ATAD2B: variants seen among roughly 807,000 people sequenced by gnomAD.
ATAD2B encodes the protein ATPase family AAA domain-containing protein 2B.
ATAD2B carries 40 observed loss-of-function variants against 167.6 expected under a neutral mutation model. The observed-to-expected ratio is 0.24, with a 90% CI of 0.19 to 0.31. ATAD2B has a LOEUF of 0.31. Ranked by LOEUF, ATAD2B falls within the 10% of genes least tolerant of loss-of-function variation. The pLI is 1.00. For missense variants in ATAD2B, 1,242 were observed against 1,757.2 expected (o/e 0.71, Z 5.24); for synonymous variants, 579 against 596.5 (o/e 0.97, Z 0.43).
chr2:23,765,660 G>A, intron 22 of ATAD2B, 32 bp from the exon 23 acceptor site: 6 of 1,243,302 alleles, frequency 4.8e-6, no homozygotes, highest in East Asian at 3.0e-5. Context: ...ATTTATTATA[G>A]AAACAAATAA....
At chr2:23,900,894 G>C (rs1050361943) in intron 1 of ATAD2B, 22 of 152,464 alleles carry the variant, frequency 1.4e-4, no homozygotes, top group African/African-American at 5.1e-4. Context: ...TTTGTGACAG[G>C]CAATACAATC....
chr2:23,861,977 G>A (rs1488041345), intron 12 of ATAD2B, among the ~76,000 whole-genome samples: 4 of 152,190 alleles, frequency 2.6e-5, no homozygotes, highest in African/African-American at 4.8e-5. Context: ...AAGGCGGGAG[G>A]ATAGCTGAAG....
intron 13 of ATAD2B, among the ~76,000 whole-genome samples, chr2:23,853,970 G>A (rs1415571105): frequency 2.0e-5 from 3 of 152,178 alleles, no homozygotes; most frequent in Non-Finnish European, 4.4e-5. Context: ...AATAGGCTGG[G>A]CATGGTGGCT....
intron 27 of ATAD2B, among the ~76,000 whole-genome samples, chr2:23,753,608 G>C (rs1402219352): frequency 1.3e-5 from 2 of 152,150 alleles, no homozygotes; most frequent in East Asian, 1.9e-4. Flanking sequence ...CCTTGGTTTA[G>C]AGTTGTCTAG....
At chr2:23,862,640 A>C (rs1205967252) in intron 12 of ATAD2B, among the ~76,000 whole-genome samples, 1 of 152,180 alleles carries the variant, frequency 6.6e-6, no homozygotes, top group African/African-American at 2.4e-5. Context: ...TAAATAGTAG[A>C]CATAGTCCAC....
rs541055293 is a variant in ATAD2B, at chr2:23,864,880, C to T, written c.1233G>A (p.Ala411=). The change falls in exon 11 of 28, where the codon GCG becomes GCA. Residue 411 remains alanine, a synonymous_variant. Coordinates refer to ENST00000238789, the MANE Select transcript of ATAD2B (RefSeq NM_017552.4). ...GTGGGAATACTACCATTTCCTTTAG[C>T]GCATGAATATGATGGCTCAATCCAC... ...SIGGLSHHIH[A]LKEMVVFPLL... 3.9e-5 allele frequency: 63 copies of T among 1,598,130 alleles called. No individual in the cohort carries two copies. The Middle Eastern group carries it at 5.0e-4, about 13-fold the overall frequency.
intron 6 of ATAD2B, chr2:23,883,504 A>T (rs1045634466): frequency 4.4e-6 from 3 of 676,082 alleles, no homozygotes; most frequent in Non-Finnish European, 6.5e-6. Flanking sequence ...TTACAAGCAG[A>T]ATTTCTAAAT....
intron 13 of ATAD2B, among the ~76,000 whole-genome samples, chr2:23,854,123 T>C (rs1267392706): frequency 6.6e-6 from 1 of 151,844 alleles, no homozygotes; most frequent in East Asian, 1.9e-4. Flanking sequence ...CACACACCTG[T>C]AATCCCAGCT....
the ATAD2B span, among the ~76,000 whole-genome samples, chr2:23,711,567 C>T: frequency 6.6e-6 from 1 of 151,758 alleles, no homozygotes; most frequent in South Asian, 2.1e-4. Flanking sequence ...ATGGGGGTTT[C>T]ACCATGTTGG....
rs193244318 is a variant in ATAD2B at position 23,871,719 on chromosome 2, T to G, written c.978-1958A>C. On this transcript the variant is annotated intron_variant, in intron 8 of 27. Coordinates refer to ENST00000238789, the MANE Select transcript of ATAD2B (RefSeq NM_017552.4). Reference sequence around the variant, plus strand: ...AGATGTCCCAAAATCTGTGCATCAGTACTCCACTCCAATGCCCACATGTCC... The same window carrying G: ...AGATGTCCCAAAATCTGTGCATCAGGACTCCACTCCAATGCCCACATGTCC... Among the ~76,000 whole-genome samples the G allele has an allele frequency of 2.0e-5, 3 of 152,298 alleles. No homozygotes were observed. The East Asian group carries it at 5.8e-4, about 29-fold the overall frequency.
chr2:23,868,593 C>A (rs1390690704), intron 9 of ATAD2B, among the ~76,000 whole-genome samples: 3 of 152,138 alleles, frequency 2.0e-5, no homozygotes, highest in Non-Finnish European at 4.4e-5. Context: ...ATATTTAAAT[C>A]TATCCTCAAC....
Position 23,857,401 on chromosome 2 carries a change from TAAAG to T in ATAD2B, c.1568+10_1568+13del. The T allele has an allele frequency of 7.0e-7, 1 of 1,432,686 alleles. No homozygotes were observed. The highest frequency in any genetic ancestry group is 2.6e-5 in the East Asian group (1 of 38,818). The allele number at this position is 1,432,686 out of a possible 1,614,324, so 88.7% of individuals were successfully genotyped here. A position where few individuals can be genotyped will look rare whatever the true frequency, so the allele number is the denominator to read the frequency against. On this transcript the variant is annotated intron_variant, in intron 13 of 27. Coordinates refer to ENST00000238789, the MANE Select transcript of ATAD2B (RefSeq NM_017552.4). ...TAAAAAAGAAATCAAGATAATCAGA[TAAAG>T]AAAAATTACCTGTGGATCTGATCTT... is the stretch of plus-strand genomic sequence containing the variant.
At position 23,909,063 on chromosome 2, in the gene ATAD2B, A is replaced by G. The variant is rs1352152641; in HGVS notation, c.217-13093T>C. Among the ~76,000 whole-genome samples, 13 of 151,554 alleles carry G rather than the reference A, an allele frequency of 8.6e-5. No individual in the cohort carries two copies. The East Asian group carries it at 2.5e-3, about 29-fold the overall frequency. Reference sequence around the variant, plus strand: ...GAGTTAGTGGGTGCAGCGCACCAGCATGGCACATGTATACATATGTAACTA... The same window carrying G: ...GAGTTAGTGGGTGCAGCGCACCAGCGTGGCACATGTATACATATGTAACTA... On this transcript the variant is annotated intron_variant, in intron 1 of 27. Coordinates refer to ENST00000238789, the MANE Select transcript of ATAD2B (RefSeq NM_017552.4).
Position 23,826,487 on chromosome 2 carries a change from C to T in ATAD2B, c.1819+2362G>A, listed in dbSNP as rs570711617. 7.2e-5 allele frequency among the ~76,000 whole-genome samples: 11 copies of T among 152,212 alleles called. No homozygotes were observed. In the South Asian group the frequency reaches 1.9e-3, roughly 26 times the overall value. ...CCCTTTCATAACCATACTAAATCTA[C>T]CATTACAATTCTAATACTCTGTGAA... On this transcript the variant is annotated intron_variant, in intron 15 of 27. Transcript: ENST00000238789.
intron 18 of ATAD2B, among the ~76,000 whole-genome samples, chr2:23,808,465 C>G (rs1028041041): frequency 6.6e-6 from 1 of 151,698 alleles, no homozygotes; most frequent in Middle Eastern, 3.2e-3. Context: ...CTCATAGTCC[C>G]TTCATATTGT....
At chr2:23,877,549 A>AAGATCGGAAGAGCACAC (rs1697078865) in intron 7 of ATAD2B, among the ~76,000 whole-genome samples, 1 of 16,084 alleles carries the variant, frequency 6.2e-5, no homozygotes, top group African/African-American at 2.7e-4. Context: ...AAGGGAGGGG[A>AAGATCGGAAGAGCACAC]GGGCAGGGGA....
chr2:23,885,672 T>C, intron 5 of ATAD2B, 55 bp downstream of exon 5: 2 of 1,052,120 alleles, frequency 1.9e-6, no homozygotes, highest in South Asian at 3.0e-5. Context: ...TCCCTTTAAA[T>C]TCCTCAATTA....
intron 25 of ATAD2B, among the ~76,000 whole-genome samples, 186 bp downstream of exon 25, chr2:23,757,232 A>T (rs1185900992): frequency 6.6e-6 from 1 of 152,170 alleles, no homozygotes; most frequent in African/African-American, 2.4e-5. Context: ...AATTTGGTGC[A>T]TGCCTCTGTG....
chr2:23,869,659 T>C lies in ATAD2B; in HGVS notation c.1076+4A>G, dbSNP rs1298737844. 1.9e-6 allele frequency: 3 copies of C among 1,546,256 alleles called. No homozygotes were observed. The highest frequency in any genetic ancestry group is 2.6e-6 in the Non-Finnish European group (3 of 1,139,480). On this transcript the variant is annotated splice_donor_region_variant and intron_variant, in intron 9 of 27. Coordinates refer to ENST00000238789, the MANE Select transcript of ATAD2B (RefSeq NM_017552.4). ...ATGGAAATAACATTACAAATTTTACTAACCTATTTCTTGCTCTTGCCATGC... is the reference window on the plus strand; with the variant it reads ...ATGGAAATAACATTACAAATTTTACCAACCTATTTCTTGCTCTTGCCATGC...
Sources: allele counts gnomAD v4.1 joint callset (sites outside exome capture counted in the v4.1 genomes callset), GRCh38; gene constraint gnomAD v4.1.1; transcripts MANE v1.5; gene names NCBI Gene and HGNC (gene_info 2026-07-23, HGNC 2026-07-21).